The following GALNT16 variants were observed in gnomAD, a reference collection of about 807,000 sequenced individuals.
GALNT16 encodes the protein UDP-GalNAc:polypeptide N-acetylgalactosaminyltransferase-like protein 1.
A neutral mutation model predicts 76.1 loss-of-function variants in GALNT16; 40 were observed. The observed-to-expected ratio is 0.53, with a 90% confidence interval of 0.41 to 0.68. The LOEUF (loss-of-function observed/expected upper bound fraction) is 0.68, where lower values mean the gene tolerates loss of function less well. GALNT16 is among the 30% of genes least tolerant of loss of function. The pLI, the probability that GALNT16 is intolerant of heterozygous loss-of-function variation, is 0.00. For synonymous variants in GALNT16, 276 were observed against 285.2 expected (o/e 0.97, Z 0.32); for missense variants, 621 against 731.9 (o/e 0.85, Z 1.75).
chr14:69,309,171 T>G (rs576873606), intron 1 of GALNT16, among the ~76,000 whole-genome samples: 1 of 152,268 alleles, frequency 6.6e-6, no homozygotes, highest in East Asian at 1.9e-4. Flanking sequence ...TAAAAGGATA[T>G]AACTCAGGAA....
chr14:69,360,205 T>A (rs576471843), downstream of GALNT16, among the ~76,000 whole-genome samples: 1 of 151,296 alleles, frequency 6.6e-6, no homozygotes, highest in South Asian at 2.1e-4. Flanking sequence ...ATTTAAAAAT[T>A]AGCCAGGTGT....
At chr14:69,306,505 G>A (rs2185494) in intron 1 of GALNT16, among the ~76,000 whole-genome samples, 23,149 of 152,098 alleles carry the variant, frequency 0.15, 2,613 homozygotes, top group East Asian at 0.43. Context: ...ATTGTAAATC[G>A]TTGCTAAATA....
intron 1 of GALNT16, among the ~76,000 whole-genome samples, chr14:69,281,687 AAGG>A (rs2044543896): frequency 6.6e-6 from 1 of 152,174 alleles, no homozygotes; most frequent in Non-Finnish European, 1.5e-5. Flanking sequence ...ACGTGACCCC[AAGG>A]AGAAGTGGCT....
rs993698515 is a variant in GALNT16, at chr14:69,352,896, TC to T, written c.*730del. ...AGGGTCTGAGCCCGACGCTGCCTCT[TC>T]CGGTCCTGTGCCTGTGGGTGCCCAC... On this transcript the variant is annotated 3_prime_UTR_variant, in exon 15 of 15. Coordinates refer to ENST00000448469, the MANE Select transcript of GALNT16 (RefSeq NM_001168368.2). Among the ~76,000 whole-genome samples the T allele has an allele frequency of 6.6e-6, 1 of 152,188 alleles. No individual in the cohort carries two copies. Among genetic ancestry groups the T allele is most frequent in the Non-Finnish European group, 1.5e-5 (1 of 68,018 alleles).
the GALNT16 span, among the ~76,000 whole-genome samples, chr14:69,371,428 AT>A: frequency 2.1e-3 from 313 of 147,080 alleles, 2 homozygotes; most frequent in East Asian, 0.021. Context: ...TTATTTTTGT[AT>A]TTTTTTTTAG....
In GALNT16 at chr14:69,260,482, A is replaced by G. The variant is rs1178668379; in HGVS notation, c.177+15A>G. The G allele has an allele frequency of 7.3e-7, 1 of 1,367,764 alleles. No individual in the cohort carries two copies. Among genetic ancestry groups the G allele is most frequent in the African/African-American group, 1.5e-5 (1 of 65,096 alleles). The allele number at this position is 1,367,764 out of a possible 1,614,324, so 84.7% of individuals were successfully genotyped here. A position where few individuals can be genotyped will look rare whatever the true frequency, so the allele number is the denominator to read the frequency against. On this transcript the variant is annotated intron_variant, in intron 1 of 14. Transcript: ENST00000448469. ...TCCCGCTCATTGTGAGTACGCCCCG[A>G]GCGTCGGCCGGCCGGCTAGGGAGCC...
At chr14:69,338,952 G>C (rs1265538535) in intron 10 of GALNT16, among the ~76,000 whole-genome samples, 175 bp downstream of exon 10, 4 of 152,070 alleles carry the variant, frequency 2.6e-5, no homozygotes, top group Admixed American at 2.6e-4. Flanking sequence ...CAGGGGTGGA[G>C]GGAGTTGCCA....
At chr14:69,372,993 G>A in the GALNT16 span, among the ~76,000 whole-genome samples, 3 of 152,272 alleles carry the variant, frequency 2.0e-5, no homozygotes, top group East Asian at 1.9e-4. Flanking sequence ...GTGGAAGTTG[G>A]TGACCATACT....
At chr14:69,384,701 C>T in the GALNT16 span, among the ~76,000 whole-genome samples, 1 of 146,186 alleles carries the variant, frequency 6.8e-6, no homozygotes, top group Non-Finnish European at 1.5e-5. Flanking sequence ...AAAGCTATTC[C>T]TCAAATAACA....
chr14:69,282,449 G>C (rs920496190), intron 1 of GALNT16, among the ~76,000 whole-genome samples: 10 of 151,968 alleles, frequency 6.6e-5, no homozygotes, highest in African/African-American at 2.2e-4. Flanking sequence ...ACCATGGTTG[G>C]CTCCTCTCTC....
intron 12 of GALNT16, among the ~76,000 whole-genome samples, chr14:69,346,806 A>G (rs1370474524): frequency 6.6e-6 from 1 of 152,058 alleles, no homozygotes; most frequent in Non-Finnish European, 1.5e-5. Flanking sequence ...TCTCAGGCCC[A>G]GCCTCCAGGG....
At chr14:69,337,661 T>C (rs1258317492) in intron 9 of GALNT16, among the ~76,000 whole-genome samples, 1 of 152,206 alleles carries the variant, frequency 6.6e-6, no homozygotes, top group Admixed American at 6.5e-5. Flanking sequence ...CCCATTGATA[T>C]AGCCATCCTT....
intron 9 of GALNT16, among the ~76,000 whole-genome samples, chr14:69,335,021 C>T (rs539421496): frequency 6.6e-6 from 1 of 152,276 alleles, no homozygotes; most frequent in East Asian, 1.9e-4. Context: ...ACCCATTTGA[C>T]AGGTAGAAAG....
At chr14:69,267,313 T>C (rs982482659) in intron 1 of GALNT16, among the ~76,000 whole-genome samples, 4 of 152,148 alleles carry the variant, frequency 2.6e-5, no homozygotes, top group Non-Finnish European at 5.9e-5. Flanking sequence ...CAGAGGTACT[T>C]TGGGAAAGAG....
At chr14:69,322,336 T>C (rs936290013) in intron 2 of GALNT16, among the ~76,000 whole-genome samples, 2 of 152,202 alleles carry the variant, frequency 1.3e-5, no homozygotes, top group Admixed American at 6.5e-5. Flanking sequence ...CTTAGAGACC[T>C]TTCATGGGCA....
At chr14:69,296,775 T>TAGAC (rs1566869302) in intron 1 of GALNT16, among the ~76,000 whole-genome samples, 11 of 148,120 alleles carry the variant, frequency 7.4e-5, no homozygotes, top group Admixed American at 2.0e-4. Context: ...GATAGACAGA[T>TAGAC]AGATGATAGA....
chr14:69,370,637 C>A, the GALNT16 span, among the ~76,000 whole-genome samples: 1 of 152,212 alleles, frequency 6.6e-6, no homozygotes, highest in East Asian at 1.9e-4. Context: ...TATGGCTAAT[C>A]TTGTTTCATC....
At chr14:69,303,976 T>TA (rs1188871836) in intron 1 of GALNT16, among the ~76,000 whole-genome samples, 4 of 152,208 alleles carry the variant, frequency 2.6e-5, no homozygotes, top group African/African-American at 9.7e-5. Context: ...CTTTCCATGT[T>TA]AAAAAATGTT....
intron 1 of GALNT16, among the ~76,000 whole-genome samples, chr14:69,320,187 G>T (rs2045156982): frequency 6.6e-6 from 1 of 152,226 alleles, no homozygotes; most frequent in Non-Finnish European, 1.5e-5. Context: ...CTCTGACCCT[G>T]GATGCTTTTT....
Sources: allele counts gnomAD v4.1 joint callset (sites outside exome capture counted in the v4.1 genomes callset), GRCh38; gene constraint gnomAD v4.1.1; transcripts MANE v1.5; gene names NCBI Gene and HGNC (gene_info 2026-07-23, HGNC 2026-07-21).